Variants in KRT76 observed in about 807,000 individuals in gnomAD.
KRT76 encodes keratin 76, also known as keratin, type II cytoskeletal 2 oral.
KRT76 carries 47 observed loss-of-function variants against 44.9 expected under a neutral mutation model. The ratio of observed to expected loss-of-function variants is 1.05; its 90% CI spans 0.83 to 1.33. The LOEUF is 1.33. KRT76 is among the 40% of genes most tolerant of loss of function. KRT76 has a pLI of 0.00. For missense variants in KRT76, 860 were observed against 775.8 expected (o/e 1.11, Z -1.29); for synonymous variants, 331 against 294.1 (o/e 1.13, Z -1.28).
Position 52,777,205 on chromosome 12 carries a change from C to CCTG in KRT76, c.84_86dup (p.Ser28dup), listed in dbSNP as rs1443065202. ...CCCCAGAGCGGGCCACACAGCTCATCCTGCTGCTGCCGGAGACCACAGCAG... is the reference window on the plus strand; with the variant it reads ...CCCCAGAGCGGGCCACACAGCTCATCCTGCTGCTGCTGCCGGAGACCACAGCAG... On this transcript the variant is annotated inframe_insertion, in exon 1 of 9. Coordinates refer to ENST00000332411, the MANE Select transcript of KRT76 (RefSeq NM_015848.4). 1 of 1,614,132 alleles carries CCTG rather than the reference C, an allele frequency of 6.2e-7. No individual in the cohort carries two copies. The highest frequency in any genetic ancestry group is 8.5e-7 in the Non-Finnish European group (1 of 1,180,050).
Position 52,768,589 on chromosome 12 carries a change from C to T in KRT76, c.*124G>A. ...GGAGAAACCAGGAGTTCAGCTTCTT[C>T]TCCAGGGAACTTGAGGAAAAATGTG... On this transcript the variant is annotated 3_prime_UTR_variant, in exon 9 of 9. Coordinates refer to ENST00000332411, the MANE Select transcript of KRT76 (RefSeq NM_015848.4). 8.8e-7 allele frequency: 1 copy of T among 1,135,842 alleles called. No homozygotes were observed. The allele number at this position is 1,135,842 out of a possible 1,614,324, so 70.4% of individuals were successfully genotyped here. A position where few individuals can be genotyped will look rare whatever the true frequency, so the allele number is the denominator to read the frequency against.
rs1347686050 is a variant in KRT76 at position 52,768,657 on chromosome 12, A to C, written c.*56T>G. 6.5e-7 allele frequency: 1 copy of C among 1,535,804 alleles called. No homozygotes were observed. Among genetic ancestry groups the C allele is most frequent in the Non-Finnish European group, 8.8e-7 (1 of 1,133,456 alleles). ...TATTGATGCCAAGCAGAGAGTGGGAAACACTATTGCAGGCTGAGTGGGAAG... is the reference window on the plus strand; with the variant it reads ...TATTGATGCCAAGCAGAGAGTGGGACACACTATTGCAGGCTGAGTGGGAAG... On this transcript the variant is annotated 3_prime_UTR_variant, in exon 9 of 9. Coordinates refer to ENST00000332411, the MANE Select transcript of KRT76 (RefSeq NM_015848.4).
At chr12:52,773,786 G>C in intron 2 of KRT76, 144 bp from the exon 3 acceptor site, 1 of 528,684 alleles carries the variant, frequency 1.9e-6, no homozygotes, top group African/African-American at 1.9e-5. Context: ...CTGGGCTCAG[G>C]GTCCTCACAC....
rs1939247416 is a variant in KRT76, at chr12:52,775,462, T to A, written c.741A>T (p.Ser247=). 2 of 1,614,084 alleles carry A rather than the reference T, an allele frequency of 1.2e-6. No homozygotes were observed. The highest frequency in any genetic ancestry group is 1.7e-6 in the Non-Finnish European group (2 of 1,180,030). Reference sequence around the variant, plus strand: ...CCAGGTTCCCCCTCTCCCCTAGAAGTGAATCTAGCTGCTTGCATAGGAAGC... The same window carrying A: ...CCAGGTTCCCCCTCTCCCCTAGAAGAGAATCTAGCTGCTTGCATAGGAAGC... The part of the protein sequence containing the change: ...YISFLCKQLD[S]LLGERGNLEG... Residue 247 remains serine, a synonymous_variant, in exon 2 of 9, where the codon TCA becomes TCT. Coordinates refer to ENST00000332411, the MANE Select transcript of KRT76 (RefSeq NM_015848.4).
chr12:52,773,497 G>T, intron 3 of KRT76, 85 bp downstream of exon 3: 1 of 907,980 alleles, frequency 1.1e-6, no homozygotes, highest in Non-Finnish European at 1.8e-6. Flanking sequence ...AGGTCCCTGT[G>T]CCCCAGAACA....
At position 52,768,810 on chromosome 12, in the gene KRT76, G is replaced by A. The variant is rs531854802; in HGVS notation, c.1820C>T (p.Thr607Ile). ...GMGSSSGSIQ[T>I]SGGSGYKSGG... ...AGACTTGTAGCCACTTCCTCCAGAA[G>A]TCTGGATGCTGCCAGAGCTGGAGCC... Residue 607 changes from threonine (T) to isoleucine (I), a missense_variant, in exon 9 of 9, where the codon ACT becomes ATT. Transcript: ENST00000332411. 39 of 1,614,020 alleles carry A rather than the reference G, an allele frequency of 2.4e-5. No individual in the cohort carries two copies. The Admixed American group carries it at 5.3e-4, about 22-fold the overall frequency.
intron 2 of KRT76, 80 bp downstream of exon 2, chr12:52,775,308 G>A: frequency 2.4e-6 from 3 of 1,266,980 alleles, no homozygotes; most frequent in East Asian, 2.3e-5. Flanking sequence ...GCACAGTTGG[G>A]AACAGTTGAA....
rs114027590 is a variant in KRT76, at chr12:52,769,758, G to A, written c.1485-175C>T. Among the ~76,000 whole-genome samples, 488 of 152,264 alleles carry A rather than the reference G, an allele frequency of 3.2e-3. 1 individual carries two copies. The highest frequency in any genetic ancestry group is 0.011 in the African/African-American group (459 of 41,538). ...ATGACCATATCTCCCCAGAAAAGGG[G>A]GCTGCTTCAAGAGTTGAGAATTCCC... On this transcript the variant is annotated intron_variant, in intron 7 of 8. Transcript: ENST00000332411.
At chr12:52,772,509 A>G (rs935056276) in intron 4 of KRT76, among the ~76,000 whole-genome samples, 1 of 152,254 alleles carries the variant, frequency 6.6e-6, no homozygotes, top group Non-Finnish European at 1.5e-5. Flanking sequence ...GTAAGTTTCC[A>G]TGGGCCCCCA....
intron 1 of KRT76, 72 bp from the exon 2 acceptor site, chr12:52,775,674 G>T: frequency 8.5e-7 from 1 of 1,177,444 alleles, no homozygotes; most frequent in Non-Finnish European, 1.2e-6. Flanking sequence ...CCCAAATGTA[G>T]AACTGTGGAG....
At chr12:52,771,297 C>T (rs1308640795) in intron 6 of KRT76, 78 bp from the exon 7 acceptor site, 1 of 1,320,220 alleles carries the variant, frequency 7.6e-7, no homozygotes, top group African/African-American at 1.4e-5. Flanking sequence ...TCTTCCCCCA[C>T]ATCCTGCATC....
In KRT76 at chr12:52,771,011, C is replaced by G. The variant is rs1428137829; in HGVS notation, c.1472G>C (p.Gly491Ala). Reference protein sequence around the residue: ...EIATYRKLLEGEECRMSGECQ... With the variant: ...EIATYRKLLEAEECRMSGECQ... Reference sequence around the variant, plus strand: ...CATGGCCCCTCACCTGCACTCCTCTCCCTCCAGCAGCTTGCGGTAGGTGGC... The same window carrying G: ...CATGGCCCCTCACCTGCACTCCTCTGCCTCCAGCAGCTTGCGGTAGGTGGC... The change falls in exon 7 of 9, where the codon GGA becomes GCA. Residue 491 changes from glycine (G) to alanine (A), a missense_variant. Coordinates refer to ENST00000332411, the MANE Select transcript of KRT76 (RefSeq NM_015848.4). The G allele has an allele frequency of 6.2e-7, 1 of 1,614,176 alleles. No homozygotes were observed. The highest frequency in any genetic ancestry group is 8.5e-7 in the Non-Finnish European group (1 of 1,180,040).
Position 52,776,914 on chromosome 12 carries a change from A to G in KRT76, c.378T>C (p.Gly126=). The G allele has an allele frequency of 6.2e-7, 1 of 1,612,914 alleles. No homozygotes were observed. Among genetic ancestry groups the G allele is most frequent in the Non-Finnish European group, 8.5e-7 (1 of 1,179,370 alleles). Residue 126 remains glycine (G), a synonymous_variant, in exon 1 of 9, where the codon GGT becomes GGC. Coordinates refer to ENST00000332411, the MANE Select transcript of KRT76 (RefSeq NM_015848.4). ...FGGAGGFGGA[G]GFGGPGVFGG... ...CAAATACACCAGGACCACCAAAGCC[A>G]CCAGCTCCACCAAAGCCACCAGCCC...
intron 8 of KRT76, 87 bp downstream of exon 8, chr12:52,769,462 C>A (rs954976406): frequency 5.3e-6 from 6 of 1,141,590 alleles, no homozygotes; most frequent in African/African-American, 3.1e-5. Context: ...ATGGAACAGG[C>A]CTTCTTGCCT....
chr12:52,769,723 G>C, intron 7 of KRT76, 140 bp from the exon 8 acceptor site: 2 of 714,116 alleles, frequency 2.8e-6, no homozygotes, highest in Non-Finnish European at 5.0e-6. Context: ...CCTATTCCAA[G>C]TCTGTTTCCA....
At position 52,776,740 on chromosome 12, in the gene KRT76, C is replaced by T. The variant is rs1405459035; in HGVS notation, c.552G>A (p.Arg184=). 1.9e-6 allele frequency: 3 copies of T among 1,614,042 alleles called. No individual in the cohort carries two copies. Among genetic ancestry groups the T allele is most frequent in the East Asian group, 4.5e-5 (2 of 44,886 alleles). Residue 184 remains arginine (R), a synonymous_variant, in exon 1 of 9, where the codon CGG becomes CGA. Transcript: ENST00000332411. The part of the protein sequence containing the change: ...PQIGQVKAQE[R]EQIKTLNNKF... ...TGTTGTTGAGGGTCTTGATCTGTTC[C>T]CGCTCCTGGGCCTTTACTTGCCCAA...
intron 2 of KRT76, 62 bp downstream of exon 2, chr12:52,775,326 A>G (rs749698291): frequency 4.0e-6 from 6 of 1,489,280 alleles, no homozygotes; most frequent in African/African-American, 1.4e-5. Context: ...GAAATCCCAA[A>G]TTAGGACCAC....
intron 6 of KRT76, 69 bp downstream of exon 6, chr12:52,771,802 C>A: frequency 1.3e-6 from 2 of 1,549,812 alleles, no homozygotes; most frequent in East Asian, 2.3e-5. Context: ...AGCAGAGGAG[C>A]AGAGCTTATG....
Position 52,776,957 on chromosome 12 carries a change from A to G in KRT76, c.335T>C (p.Val112Ala), listed in dbSNP as rs552095996. The G allele has an allele frequency of 6.2e-7, 1 of 1,612,388 alleles. No individual in the cohort carries two copies. The highest frequency in any genetic ancestry group is 1.3e-5 in the African/African-American group (1 of 74,426). Residue 112 changes from valine (V) to alanine (A), a missense_variant, in exon 1 of 9, where the codon GTA (valine) becomes GCA (alanine). Val to Ala is a moderately conservative substitution (Grantham distance 64). Transcript: ENST00000332411. ...ACCAGCCCCTCCAAAACCACTACCTACTCCTCTGCCACCACCAAAGCCACC... is the reference window on the plus strand; with the variant it reads ...ACCAGCCCCTCCAAAACCACTACCTGCTCCTCTGCCACCACCAAAGCCACC... ...YGGGFGGGRG[V>A]GSGFGGAGGF...
Sources: allele counts gnomAD v4.1 joint callset (sites outside exome capture counted in the v4.1 genomes callset), GRCh38; gene constraint gnomAD v4.1.1; transcripts MANE v1.5; gene names NCBI Gene and HGNC (gene_info 2026-07-23, HGNC 2026-07-21).